Variants in BRINP3 observed in about 807,000 individuals in gnomAD.
The protein encoded by BRINP3 is BMP/retinoic acid inducible neural specific 3.
Under a neutral mutation model 71.0 loss-of-function variants are expected in BRINP3, and 19 were observed. The ratio of observed to expected loss-of-function variants is 0.27; its 90% CI spans 0.19 to 0.39. The LOEUF is 0.39. Ranked by LOEUF, BRINP3 falls within the 10% of genes least tolerant of loss-of-function variation. BRINP3 has a pLI of 1.00. For missense variants in BRINP3, 959 were observed against 940.8 expected, an observed-to-expected ratio of 1.02 and a Z score of -0.25; for synonymous variants, 380 against 337.7, an observed-to-expected ratio of 1.13 and a Z score of -1.37.
chr1:190,366,521 C>T (rs1287524888), intron 2 of BRINP3, among the ~76,000 whole-genome samples: 1 of 152,036 alleles, frequency 6.6e-6, no homozygotes, highest in Non-Finnish European at 1.5e-5. Flanking sequence ...TGGCCTCTCC[C>T]AAATCTCATA....
intron 6 of BRINP3, among the ~76,000 whole-genome samples, chr1:190,172,833 G>A (rs1652141237): frequency 6.6e-6 from 1 of 152,098 alleles, no homozygotes; most frequent in Non-Finnish European, 1.5e-5. Flanking sequence ...AACAGATACA[G>A]CAGCTTCCAT....
chr1:190,140,035 G>A (rs1400346787), intron 7 of BRINP3, among the ~76,000 whole-genome samples: 2 of 152,124 alleles, frequency 1.3e-5, no homozygotes, highest in Admixed American at 6.6e-5. Context: ...AGAGAAAGGG[G>A]TTAAGAAAAA....
At chr1:190,218,565 A>AT (rs970222242) in intron 6 of BRINP3, among the ~76,000 whole-genome samples, 1 of 152,032 alleles carries the variant, frequency 6.6e-6, no homozygotes, top group Non-Finnish European at 1.5e-5. Flanking sequence ...TCAAATACTT[A>AT]TTTTTTTATG....
intron 2 of BRINP3, among the ~76,000 whole-genome samples, chr1:190,297,144 G>A (rs1361692281): frequency 6.6e-6 from 1 of 151,870 alleles, no homozygotes; most frequent in Admixed American, 6.6e-5. Context: ...TATACCTCCT[G>A]ATTTCAAACT....
At chr1:190,420,225 A>C (rs1673283699) in intron 2 of BRINP3, among the ~76,000 whole-genome samples, 1 of 151,976 alleles carries the variant, frequency 6.6e-6, no homozygotes, top group Non-Finnish European at 1.5e-5. Context: ...GCCACAATTA[A>C]GTTTTCAATT....
chr1:190,353,297 G>A (rs1376705646), intron 2 of BRINP3, among the ~76,000 whole-genome samples: 1 of 151,948 alleles, frequency 6.6e-6, no homozygotes, highest in African/African-American at 2.4e-5. Context: ...GTATTCCTCA[G>A]CATGATGCAG....
chr1:190,173,625 T>G (rs1652226985), intron 6 of BRINP3, among the ~76,000 whole-genome samples: 1 of 152,208 alleles, frequency 6.6e-6, no homozygotes, highest in Non-Finnish European at 1.5e-5. Flanking sequence ...CAAGAACCCT[T>G]TACATTCTTA....
chr1:190,257,160 T>A (rs929842340), intron 4 of BRINP3, among the ~76,000 whole-genome samples: 1 of 152,198 alleles, frequency 6.6e-6, no homozygotes, highest in Non-Finnish European at 1.5e-5. Context: ...CATATTCCCA[T>A]ATTTCTTGGA....
intron 2 of BRINP3, among the ~76,000 whole-genome samples, chr1:190,453,246 AG>A (rs1558300550): frequency 2.7e-5 from 1 of 37,064 alleles, no homozygotes; most frequent in East Asian, 1.0e-3. Context: ...TTTGAGACGG[AG>A]GCTCGCTCTG....
At chr1:190,355,516 C>G (rs973748380) in intron 2 of BRINP3, among the ~76,000 whole-genome samples, 1 of 151,778 alleles carries the variant, frequency 6.6e-6, no homozygotes, top group Non-Finnish European at 1.5e-5. Flanking sequence ...TGTGGCATTT[C>G]TTTTTTACTG....
chr1:190,133,876 G>T (rs1654751042), intron 7 of BRINP3, among the ~76,000 whole-genome samples: 1 of 151,902 alleles, frequency 6.6e-6, no homozygotes, highest in Admixed American at 6.6e-5. Flanking sequence ...AAAGAAAATG[G>T]TAACTATGAA....
At chr1:190,187,090 C>G (rs925572351) in intron 6 of BRINP3, among the ~76,000 whole-genome samples, 11 of 152,070 alleles carry the variant, frequency 7.2e-5, no homozygotes, top group Admixed American at 5.2e-4. Context: ...GGGTGAAGTA[C>G]TATTATATAT....
intron 6 of BRINP3, among the ~76,000 whole-genome samples, chr1:190,224,299 C>T (rs372104657): frequency 9.2e-5 from 14 of 151,724 alleles, no homozygotes; most frequent in East Asian, 3.9e-4. Context: ...GACACATAGA[C>T]CAATGGAATA....
At chr1:190,385,878 A>G (rs1670857791) in intron 2 of BRINP3, among the ~76,000 whole-genome samples, 1 of 147,952 alleles carries the variant, frequency 6.8e-6, no homozygotes, top group Non-Finnish European at 1.5e-5. Flanking sequence ...TGGCACATAT[A>G]CACCATGGAA....
At chr1:190,358,305 A>G (rs544155700) in intron 2 of BRINP3, among the ~76,000 whole-genome samples, 1 of 152,300 alleles carries the variant, frequency 6.6e-6, no homozygotes, top group African/African-American at 2.4e-5. Context: ...AACTCAAACA[A>G]ATTTACAAGA....
At chr1:190,317,985 A>G (rs529622056) in intron 2 of BRINP3, among the ~76,000 whole-genome samples, 10 of 152,120 alleles carry the variant, frequency 6.6e-5, no homozygotes, top group Non-Finnish European at 1.5e-4. Flanking sequence ...GAGCACAAAA[A>G]CTAGCATTTA....
At chr1:190,255,844 G>A (rs1044077455) in intron 4 of BRINP3, among the ~76,000 whole-genome samples, 1 of 151,982 alleles carries the variant, frequency 6.6e-6, no homozygotes, top group African/African-American at 2.4e-5. Flanking sequence ...GCTTGCTCTT[G>A]CTTCTCTAGT....
At chr1:190,139,377 G>A (rs747272840) in intron 7 of BRINP3, among the ~76,000 whole-genome samples, 11 of 149,610 alleles carry the variant, frequency 7.4e-5, no homozygotes, top group Non-Finnish European at 1.0e-4. Flanking sequence ...ACTTGAACCT[G>A]GGAAGCAAAG....
intron 2 of BRINP3, among the ~76,000 whole-genome samples, chr1:190,408,260 G>C (rs1204668589): frequency 1.3e-5 from 2 of 151,154 alleles, no homozygotes; most frequent in Non-Finnish European, 2.9e-5. Context: ...TAGCCAGGAT[G>C]GTCTCGATCT....
Sources: allele counts gnomAD v4.1 joint callset (sites outside exome capture counted in the v4.1 genomes callset), GRCh38; gene constraint gnomAD v4.1.1; transcripts MANE v1.5; gene names NCBI Gene and HGNC (gene_info 2026-07-23, HGNC 2026-07-21).